Variants in EDEM1 observed in about 807,000 individuals in gnomAD.
EDEM1 encodes the protein ER degradation-enhancing alpha-mannosidase-like protein 1.
EDEM1 carries 67 observed loss-of-function variants against 74.4 expected under a neutral mutation model. The observed-to-expected ratio is 0.90, with a 90% CI of 0.74 to 1.10. The LOEUF is 1.10. Among genes scored for constraint, EDEM1 ranks in the 50% least tolerant of loss-of-function variants. The pLI, the probability that EDEM1 is intolerant of heterozygous loss-of-function variation, is 0.00. For missense variants in EDEM1, 926 were observed against 851.6 expected, an observed-to-expected ratio of 1.09 and a Z score of -1.09; for synonymous variants, 382 against 335.9, an observed-to-expected ratio of 1.14 and a Z score of -1.50.
intron 11 of EDEM1, among the ~76,000 whole-genome samples, chr3:5,213,886 G>C (rs1296542950): frequency 6.6e-6 from 1 of 152,162 alleles, no homozygotes; most frequent in African/African-American, 2.4e-5. Flanking sequence ...CGCTCCCCCA[G>C]TTGCCTGCTG....
chr3:5,201,878 T>A lies in EDEM1; in HGVS notation c.812T>A (p.Leu271His). 1 of 1,614,158 alleles carries A rather than the reference T, an allele frequency of 6.2e-7. No homozygotes were observed. The highest frequency in any genetic ancestry group is 2.2e-5 in the East Asian group (1 of 44,886). ...LYMAHDLAVR[L>H]LPAFENTKTG... Reference sequence around the variant, plus strand: ...ATGGCCCATGACCTGGCGGTGCGGCTCCTCCCTGCTTTTGAAAACACCAAG... The same window carrying A: ...ATGGCCCATGACCTGGCGGTGCGGCACCTCCCTGCTTTTGAAAACACCAAG... The change falls in exon 4 of 12, where the codon CTC (leucine) becomes CAC (histidine). Residue 271 changes from leucine to histidine, a missense_variant. Physicochemically the swap from Leu to His is moderately conservative, Grantham distance 99 (BLOSUM62 -3). Coordinates refer to ENST00000256497, the MANE Select transcript of EDEM1 (RefSeq NM_014674.3).
intron 5 of EDEM1, among the ~76,000 whole-genome samples, chr3:5,203,583 C>T (rs1484993533): frequency 6.6e-6 from 1 of 151,988 alleles, no homozygotes; most frequent in Non-Finnish European, 1.5e-5. Context: ...GGTTTTTTCC[C>T]TTTAGAATGT....
At position 5,201,953 on chromosome 3, in the gene EDEM1, T is replaced by G. The variant is rs779134596; in HGVS notation, c.858+29T>G. The G allele has an allele frequency of 4.9e-5, 78 of 1,583,828 alleles. No individual in the cohort carries two copies. In the Admixed American group the frequency reaches 1.4e-3, roughly 28 times the overall value. ...GGTAGACTGGTTTGACCCTTTGTGT[T>G]TGACAATTCACTATCTTCCTGAATT... On this transcript the variant is annotated intron_variant, in intron 4 of 11. Coordinates refer to ENST00000256497, the MANE Select transcript of EDEM1 (RefSeq NM_014674.3).
intron 8 of EDEM1, 120 bp downstream of exon 8, chr3:5,208,383 G>C: frequency 8.3e-7 from 1 of 1,205,692 alleles, no homozygotes; most frequent in Non-Finnish European, 1.2e-6. Context: ...GACTCTGATT[G>C]AGTTACCCCC....
At chr3:5,214,111 C>T (rs940377638) in intron 11 of EDEM1, among the ~76,000 whole-genome samples, 1 of 152,212 alleles carries the variant, frequency 6.6e-6, no homozygotes, top group Admixed American at 6.5e-5. Context: ...TGGGGCTTTA[C>T]TCCACATGCC....
chr3:5,211,517 G>A (rs998259371), intron 10 of EDEM1: 8 of 307,706 alleles, frequency 2.6e-5, no homozygotes, highest in South Asian at 1.0e-4. Flanking sequence ...ACAGGTGGTC[G>A]GGGAAGACGC....
chr3:5,211,277 T>A (rs1327999885), intron 10 of EDEM1, 61 bp downstream of exon 10: 1 of 1,494,556 alleles, frequency 6.7e-7, no homozygotes, highest in Admixed American at 1.8e-5. Flanking sequence ...AGCATTCGCA[T>A]AGTCTTCCAT....
chr3:5,203,249 T>G (rs533411848), intron 5 of EDEM1, 100 bp downstream of exon 5: 1 of 1,245,852 alleles, frequency 8.0e-7, no homozygotes, highest in South Asian at 1.8e-5. Context: ...TCAACTCAAT[T>G]GACAACTCAG....
intron 1 of EDEM1, among the ~76,000 whole-genome samples, chr3:5,192,496 G>A (rs2054913218): frequency 6.6e-6 from 1 of 152,188 alleles, no homozygotes; most frequent in East Asian, 1.9e-4. Context: ...TTTACAGTGG[G>A]GTGAATGCCA....
At chr3:5,188,341 G>C in intron 1 of EDEM1, 27 bp downstream of exon 1, 1 of 1,388,426 alleles carries the variant, frequency 7.2e-7, no homozygotes, top group East Asian at 3.0e-5. Context: ...GCCCGGGGCC[G>C]CGCGCCCACG....
intron 9 of EDEM1, among the ~76,000 whole-genome samples, chr3:5,210,572 C>A (rs1288760038): frequency 6.6e-6 from 1 of 152,040 alleles, no homozygotes; most frequent in Non-Finnish European, 1.5e-5. Context: ...TCTCCACATA[C>A]AGAGAAAACT....
At chr3:5,204,790 G>A (rs2055075458) in intron 5 of EDEM1, among the ~76,000 whole-genome samples, 1 of 152,280 alleles carries the variant, frequency 6.6e-6, no homozygotes. Context: ...GAAATGCATC[G>A]TCAATCTGGA....
chr3:5,188,001 G>T lies in EDEM1; in HGVS notation c.196G>T (p.Val66Leu), dbSNP rs1033630386. The T allele has an allele frequency of 5.3e-6, 8 of 1,508,052 alleles. No individual in the cohort carries two copies. The highest frequency in any genetic ancestry group is 2.7e-5 in the East Asian group (1 of 36,994). 93.4% of individuals were successfully genotyped at this position (1,508,052 alleles called of 1,614,324 possible). ...GGGGCCCGTGGGCCGGCCTGGGGGG[G>T]TATCCGGGCCGTCGTGGCTGCAGCC... ...TSGPVGRPGG[V>L]SGPSWLQPPG... Residue 66 changes from valine (V) to leucine (L), a missense_variant, in exon 1 of 12, where the codon GTA (valine) becomes TTA (leucine). Physicochemically the swap from Val to Leu is conservative, Grantham distance 32. Transcript: ENST00000256497.
At chr3:5,210,322 C>T (rs2055152993) in intron 9 of EDEM1, 74 bp downstream of exon 9, 5 of 1,385,506 alleles carry the variant, frequency 3.6e-6, no homozygotes, top group Non-Finnish European at 5.1e-6. Context: ...GGGAAATATC[C>T]TAGTTTGCAT....
At chr3:5,204,661 G>A (rs1042564610) in intron 5 of EDEM1, among the ~76,000 whole-genome samples, 1 of 152,072 alleles carries the variant, frequency 6.6e-6, no homozygotes, top group Non-Finnish European at 1.5e-5. Context: ...CAAAGTGCTG[G>A]GATTGTAAGT....
chr3:5,213,287 A>T, intron 10 of EDEM1, 32 bp from the exon 11 acceptor site: 1 of 1,594,358 alleles, frequency 6.3e-7, no homozygotes, highest in Non-Finnish European at 8.6e-7. Flanking sequence ...TGCTACAATT[A>T]TTGGTTGTAT....
intron 2 of EDEM1, 86 bp downstream of exon 2, chr3:5,195,367 G>A: frequency 1.4e-6 from 1 of 734,608 alleles, no homozygotes. Flanking sequence ...GGGAATTCCA[G>A]GGAGCCTGAT....
Position 5,218,606 on chromosome 3 carries a change from T to C in EDEM1, c.*2688T>C, listed in dbSNP as rs993050973. 6.6e-6 allele frequency: 1 copy of C among 152,140 alleles called. No homozygotes were observed. The highest frequency in any genetic ancestry group is 2.4e-5 in the African/African-American group (1 of 41,428). The allele number at this position is 152,140 out of a possible 1,614,324, so 9.4% of individuals were successfully genotyped here. Reference sequence around the variant, plus strand: ...CGTGTAGCTAGTGTCTAGTGTCAGCTTTGCTCAGTGTGGTGGAAACATTTT... The same window carrying C: ...CGTGTAGCTAGTGTCTAGTGTCAGCCTTGCTCAGTGTGGTGGAAACATTTT... On this transcript the variant is annotated 3_prime_UTR_variant, in exon 12 of 12. Coordinates refer to ENST00000256497, the MANE Select transcript of EDEM1 (RefSeq NM_014674.3).
chr3:5,216,045 C>A lies in EDEM1; in HGVS notation c.*127C>A. ...CCATGGTGGTGTAGGAATTTCTGTGCAACACCTCACCACGTCTGGTTAATC... is the reference window on the plus strand; with the variant it reads ...CCATGGTGGTGTAGGAATTTCTGTGAAACACCTCACCACGTCTGGTTAATC... On this transcript the variant is annotated 3_prime_UTR_variant, in exon 12 of 12. Transcript: ENST00000256497. 1 of 699,728 alleles carries A rather than the reference C, an allele frequency of 1.4e-6. No individual in the cohort carries two copies. The highest frequency in any genetic ancestry group is 2.4e-6 in the Non-Finnish European group (1 of 412,754). 43.3% of individuals were successfully genotyped at this position (699,728 alleles called of 1,614,324 possible).
Sources: allele counts gnomAD v4.1 joint callset (sites outside exome capture counted in the v4.1 genomes callset), GRCh38; gene constraint gnomAD v4.1.1; transcripts MANE v1.5; gene names NCBI Gene and HGNC (gene_info 2026-07-23, HGNC 2026-07-21).